The following CNTNAP5 variants were observed in gnomAD, a reference collection of about 807,000 sequenced individuals.
CNTNAP5 encodes the protein contactin associated protein family member 5.
In CNTNAP5, 72 loss-of-function variants were observed where a neutral mutation model predicts 150.2. The ratio of observed to expected loss-of-function variants is 0.48; its 90% CI spans 0.40 to 0.58. CNTNAP5 has a LOEUF of 0.58. Ranked by LOEUF, CNTNAP5 falls within the 20% of genes least tolerant of loss-of-function variation. The pLI, the probability that CNTNAP5 is intolerant of heterozygous loss-of-function variation, is 0.00. For synonymous variants in CNTNAP5, 672 were observed against 619.8 expected (o/e 1.08, Z -1.25); for missense variants, 1,636 against 1,626.2 (o/e 1.01, Z -0.10).
chr2:124,914,797 G>A lies in CNTNAP5; in HGVS notation c.*509G>A, dbSNP rs577563183. 2.6e-4 allele frequency: 39 copies of A among 152,432 alleles called. No individual in the cohort carries two copies. In the South Asian group the frequency reaches 3.3e-3, roughly 13 times the overall value. The allele number at this position is 152,432 out of a possible 1,614,324, so 9.4% of individuals were successfully genotyped here. ...ATTGTAAAAAGAGTAAGAGAGGTTT[G>A]GTTTGTGGTGGTTTGCTTTCTTTAC... On this transcript the variant is annotated 3_prime_UTR_variant, in exon 24 of 24. Transcript: ENST00000682447.
chr2:124,339,815 C>T (rs533711301), intron 3 of CNTNAP5, among the ~76,000 whole-genome samples: 2 of 151,988 alleles, frequency 1.3e-5, no homozygotes, highest in African/African-American at 2.4e-5. Flanking sequence ...TGGGTGATGC[C>T]GATTGGTTGG....
At position 124,867,589 on chromosome 2, in the gene CNTNAP5, C is replaced by T. The variant is rs1677659337; in HGVS notation, c.3349-2086C>T. ...CCAATACAACTCTCGCCTGTTGATCCTTCTGCCTGTGTTAGTTGCTCACTC... is the reference window on the plus strand; with the variant it reads ...CCAATACAACTCTCGCCTGTTGATCTTTCTGCCTGTGTTAGTTGCTCACTC... On this transcript the variant is annotated intron_variant, in intron 20 of 23. Transcript: ENST00000682447. Among the ~76,000 whole-genome samples, 3 of 152,238 alleles carry T rather than the reference C, an allele frequency of 2.0e-5. No homozygotes were observed. The South Asian group carries it at 6.2e-4, about 32-fold the overall frequency.
chr2:124,530,044 G>A (rs1695067811), intron 10 of CNTNAP5, among the ~76,000 whole-genome samples: 1 of 152,194 alleles, frequency 6.6e-6, no homozygotes, highest in Non-Finnish European at 1.5e-5. Flanking sequence ...GGGCACGGTT[G>A]CTCACGTCTG....
intron 1 of CNTNAP5, among the ~76,000 whole-genome samples, chr2:124,091,727 T>C (rs747183418): frequency 2.0e-5 from 3 of 152,110 alleles, no homozygotes; most frequent in Non-Finnish European, 4.4e-5. Context: ...TTTATAGAAA[T>C]AAATTTGATC....
chr2:124,624,799 C>T (rs1677685600), intron 12 of CNTNAP5, among the ~76,000 whole-genome samples: 1 of 152,120 alleles, frequency 6.6e-6, no homozygotes, highest in Non-Finnish European at 1.5e-5. Flanking sequence ...GGGTGGTGGG[C>T]AGAGAAGATG....
chr2:124,512,809 G>C (rs924374484), intron 8 of CNTNAP5, among the ~76,000 whole-genome samples: 7 of 152,132 alleles, frequency 4.6e-5, no homozygotes, highest in Non-Finnish European at 8.8e-5. Flanking sequence ...TGACTGGCTT[G>C]TTCTTTCTCT....
chr2:124,872,374 CTGTGTG>C (rs56024878), intron 21 of CNTNAP5, among the ~76,000 whole-genome samples: 9,714 of 139,332 alleles, frequency 0.07, 370 homozygotes, highest in African/African-American at 0.089. Context: ...TTTCCTTATG[CTGTGTG>C]TGTGTGTGTG....
chr2:124,154,694 A>G (rs1364679270), intron 1 of CNTNAP5, among the ~76,000 whole-genome samples: 1 of 152,184 alleles, frequency 6.6e-6, no homozygotes, highest in Admixed American at 6.5e-5. Flanking sequence ...CTCAGAGCAG[A>G]TCAGGCCTCC....
chr2:124,445,259 T>G (rs926843818), intron 5 of CNTNAP5, among the ~76,000 whole-genome samples: 33 of 151,800 alleles, frequency 2.2e-4, no homozygotes, highest in African/African-American at 8.0e-4. Context: ...CTGGCTAATT[T>G]TTTTTTTTCT....
chr2:124,448,338 A>G (rs890286079), intron 6 of CNTNAP5, among the ~76,000 whole-genome samples: 3 of 151,842 alleles, frequency 2.0e-5, no homozygotes, highest in African/African-American at 4.8e-5. Context: ...AAAAGCTAAT[A>G]CATTCATTGA....
intron 13 of CNTNAP5, among the ~76,000 whole-genome samples, chr2:124,724,923 CTT>C (rs71387242): frequency 2.5e-4 from 28 of 111,516 alleles, no homozygotes; most frequent in African/African-American, 3.7e-4. Flanking sequence ...ATTCCCTTAG[CTT>C]TTTTTTTTTT....
chr2:124,400,112 T>C (rs535702341), intron 3 of CNTNAP5, among the ~76,000 whole-genome samples: 1 of 73,600 alleles, frequency 1.4e-5, no homozygotes, highest in South Asian at 7.0e-4. Context: ...ACAGGGCTTA[T>C]AATGAAAAAA....
intron 3 of CNTNAP5, among the ~76,000 whole-genome samples, chr2:124,331,291 T>G (rs913196422): frequency 6.6e-6 from 1 of 152,096 alleles, no homozygotes; most frequent in African/African-American, 2.4e-5. Context: ...TTGCTTATAT[T>G]TGTAGCCGAC....
chr2:124,312,441 C>T (rs1278245966), intron 3 of CNTNAP5, among the ~76,000 whole-genome samples: 1 of 151,880 alleles, frequency 6.6e-6, no homozygotes, highest in Non-Finnish European at 1.5e-5. Flanking sequence ...CTCCGCACCA[C>T]TCCCCACCCG....
At chr2:124,637,750 AT>A (rs965796862) in intron 12 of CNTNAP5, among the ~76,000 whole-genome samples, 4 of 151,838 alleles carry the variant, frequency 2.6e-5, no homozygotes, top group African/African-American at 7.3e-5. Context: ...TACAGAAGAG[AT>A]TTTTTTCCCT....
chr2:124,137,849 G>A (rs1320502337), intron 1 of CNTNAP5, among the ~76,000 whole-genome samples: 1 of 151,918 alleles, frequency 6.6e-6, no homozygotes, highest in African/African-American at 2.4e-5. Flanking sequence ...GACTAACATT[G>A]TTTGGCTGAA....
At chr2:124,474,317 C>T (rs1477534170) in intron 6 of CNTNAP5, among the ~76,000 whole-genome samples, 1 of 151,926 alleles carries the variant, frequency 6.6e-6, no homozygotes, top group Non-Finnish European at 1.5e-5. Flanking sequence ...TTTTTGCATA[C>T]AATATAGGCT....
chr2:124,425,680 A>C (rs1442828979), intron 4 of CNTNAP5, among the ~76,000 whole-genome samples: 2 of 152,068 alleles, frequency 1.3e-5, no homozygotes, highest in Non-Finnish European at 2.9e-5. Flanking sequence ...TCAATCCCAC[A>C]AGTCCTCATT....
At chr2:124,086,907 A>G (rs2104681764) in intron 1 of CNTNAP5, among the ~76,000 whole-genome samples, 1 of 151,696 alleles carries the variant, frequency 6.6e-6, no homozygotes, top group Non-Finnish European at 1.5e-5. Flanking sequence ...ATTGTGGATT[A>G]CTTGAACATT....
Sources: allele counts gnomAD v4.1 joint callset (sites outside exome capture counted in the v4.1 genomes callset), GRCh38; gene constraint gnomAD v4.1.1; transcripts MANE v1.5; gene names NCBI Gene and HGNC (gene_info 2026-07-23, HGNC 2026-07-21).